Variants in WDR48 observed in about 807,000 individuals in gnomAD.
WDR48 encodes WD repeat-containing protein 48.
WDR48 carries 22 observed loss-of-function variants against 94.0 expected under a neutral mutation model. The ratio of observed to expected loss-of-function variants is 0.23; its 90% CI spans 0.17 to 0.33. The LOEUF is 0.33. Ranked by LOEUF, WDR48 falls within the 10% of genes least tolerant of loss-of-function variation. The probability of loss-of-function intolerance (pLI) is 1.00; values close to 1 mark genes in which losing one functional copy is unlikely to be tolerated. For missense variants in WDR48, 541 were observed against 813.8 expected (o/e 0.66, Z 4.08); for synonymous variants, 278 against 280.5 (o/e 0.99, Z 0.09).
rs201243081 is a variant in WDR48, at chr3:39,091,601, C to T, written c.1669-24C>T. ...TTATCAACTAATAGAAACTGTTATA[C>T]CTTTTTAACTTTTACTGTTTCAGAA... is the stretch of plus-strand genomic sequence containing the variant. On this transcript the variant is annotated intron_variant, in intron 16 of 18. Transcript: ENST00000302313. 9.3e-5 allele frequency: 146 copies of T among 1,563,732 alleles called. No individual in the cohort carries two copies. The African/African-American group carries it at 1.7e-3, about 18-fold the overall frequency.
chr3:39,082,715 A>G (rs2034602401), intron 11 of WDR48, among the ~76,000 whole-genome samples: 1 of 152,192 alleles, frequency 6.6e-6, no homozygotes, highest in Admixed American at 6.5e-5. Flanking sequence ...ATCAGGAGAA[A>G]AGGACATGCT....
chr3:39,052,182 A>G, intron 1 of WDR48, 109 bp downstream of exon 1: 4 of 1,407,308 alleles, frequency 2.8e-6, no homozygotes, highest in Non-Finnish European at 3.9e-6. Context: ...GCATGGGGCG[A>G]ACGGGGCGGG....
chr3:39,079,733 C>A lies in WDR48; in HGVS notation c.1098C>A (p.Cys366Ter). The A allele has an allele frequency of 6.4e-7, 1 of 1,555,336 alleles. No individual in the cohort carries two copies. The highest frequency in any genetic ancestry group is 8.6e-7 in the Non-Finnish European group (1 of 1,159,390). The change falls in exon 11 of 19, where the codon TGC (cysteine) becomes TGA (stop). Residue 366 changes from cysteine (C) to a stop codon, truncating the protein, a stop_gained. Coordinates refer to ENST00000302313, the MANE Select transcript of WDR48 (RefSeq NM_020839.4). LOFTEE classifies it high-confidence loss of function. The stretch of plus-strand genomic sequence containing the variant: ...TAGGGGGTGCTAGTATTATTCAGTG[C>A]CACATTCTTAATGATAAGAGACATA... ...VIKGGASIIQ[C>*]HILNDKRHIL...
At chr3:39,093,616 G>A (rs750493699) in intron 17 of WDR48, among the ~76,000 whole-genome samples, 4 of 152,192 alleles carry the variant, frequency 2.6e-5, no homozygotes, top group Admixed American at 2.6e-4. Context: ...GATTATAGGC[G>A]TGAGCCACCA....
chr3:39,064,612 A>T (rs2033484058), intron 2 of WDR48, among the ~76,000 whole-genome samples: 1 of 152,184 alleles, frequency 6.6e-6, no homozygotes, highest in African/African-American at 2.4e-5. Flanking sequence ...GGCTCAGAGA[A>T]ACCCATGGTT....
At chr3:39,069,847 A>G (rs1199996848) in intron 7 of WDR48, 103 bp downstream of exon 7, 1 of 935,126 alleles carries the variant, frequency 1.1e-6, no homozygotes, top group Non-Finnish European at 1.5e-6. Context: ...CACACTTATT[A>G]TAAATTGTCT....
intron 6 of WDR48, among the ~76,000 whole-genome samples, chr3:39,069,277 CG>C (rs1314608884): frequency 2.0e-5 from 3 of 152,078 alleles, no homozygotes; most frequent in African/African-American, 7.2e-5. Flanking sequence ...GTGCCCCAAT[CG>C]GGGGAGCTTA....
rs184151017 is a variant in WDR48, at chr3:39,053,390, T to C, written c.48+1317T>C. ...CACATCTTGGTTTTATTGATCTCAC[T>C]GATCAGTACAGTGTCTTAAGCACTC... On this transcript the variant is annotated intron_variant, in intron 1 of 18. Coordinates refer to ENST00000302313, the MANE Select transcript of WDR48 (RefSeq NM_020839.4). Among the ~76,000 whole-genome samples, 7 of 152,354 alleles carry C rather than the reference T, an allele frequency of 4.6e-5. No homozygotes were observed. The East Asian group carries it at 1.3e-3, about 29-fold the overall frequency.
intron 11 of WDR48, among the ~76,000 whole-genome samples, chr3:39,083,174 G>A (rs570930009): frequency 6.6e-6 from 1 of 152,288 alleles, no homozygotes; most frequent in South Asian, 2.1e-4. Flanking sequence ...CAGGTAGAGT[G>A]AGTTGAGTAG....
At chr3:39,082,803 T>C (rs1478198852) in intron 11 of WDR48, among the ~76,000 whole-genome samples, 2 of 152,162 alleles carry the variant, frequency 1.3e-5, no homozygotes, top group Non-Finnish European at 2.9e-5. Flanking sequence ...TACAGTCTCA[T>C]GCACAGTTAA....
At chr3:39,057,039 G>GA (rs1285434541) in intron 1 of WDR48, among the ~76,000 whole-genome samples, 1 of 151,972 alleles carries the variant, frequency 6.6e-6, no homozygotes. Context: ...TTAAAGTGGA[G>GA]AAAACCATTG....
At chr3:39,090,214 C>A (rs2035011159) in intron 16 of WDR48, 1 of 152,144 alleles carries the variant, frequency 6.6e-6, no homozygotes, top group Non-Finnish European at 1.5e-5. Context: ...GGATTAAAAA[C>A]AAATTAATAG....
rs763251885 is a variant in WDR48 at position 39,088,149 on chromosome 3, G to A, written c.1496G>A (p.Arg499Gln). Residue 499 changes from arginine to glutamine, a missense_variant, in exon 15 of 19, where the codon CGA becomes CAA. Arg to Gln is a conservative substitution (Grantham distance 43, BLOSUM62 1). Coordinates refer to ENST00000302313, the MANE Select transcript of WDR48 (RefSeq NM_020839.4). ...CTAGTAAATGGGGAGCAGGAGAACC[G>A]AGTGCAGAAGGGAAATGGATATTTT... ...VNHVNGEQENRVQKGNGYFQV... is the reference protein window; with the variant it reads ...VNHVNGEQENQVQKGNGYFQV... 4.3e-6 allele frequency: 7 copies of A among 1,613,960 alleles called. No homozygotes were observed. The highest frequency in any genetic ancestry group is 1.6e-4 in the Middle Eastern group (1 of 6,084).
Position 39,076,734 on chromosome 3 carries a change from A to G in WDR48, c.898-405A>G, listed in dbSNP as rs113074999. On this transcript the variant is annotated intron_variant, in intron 8 of 18. Transcript: ENST00000302313. ...GGCGAGGGTTATTTTCACTTTTACTATGTTGTTAGGATGTTTTTTACTTCA... is the reference window on the plus strand; with the variant it reads ...GGCGAGGGTTATTTTCACTTTTACTGTGTTGTTAGGATGTTTTTTACTTCA... Among the ~76,000 whole-genome samples the G allele has an allele frequency of 3.6e-3, 545 of 152,314 alleles. 9 individuals carry two copies. Among genetic ancestry groups the G allele is most frequent in the African/African-American group, 0.013 (522 of 41,570 alleles).
chr3:39,078,322 T>C, intron 10 of WDR48, 83 bp downstream of exon 10: 1 of 918,828 alleles, frequency 1.1e-6, no homozygotes, highest in Admixed American at 2.3e-5. Context: ...ACAATGACCT[T>C]TCTTTAAATA....
intron 2 of WDR48, 61 bp downstream of exon 2, chr3:39,063,251 A>G (rs757014740): frequency 5.1e-6 from 8 of 1,579,438 alleles, no homozygotes; most frequent in Admixed American, 1.8e-5. Flanking sequence ...TTACTGTCTA[A>G]TATGACACTT....
intron 5 of WDR48, 134 bp from the exon 6 acceptor site, chr3:39,068,637 A>G (rs1280911700): frequency 1.7e-6 from 1 of 579,004 alleles, no homozygotes; most frequent in African/African-American, 1.8e-5. Context: ...TATCTCCATT[A>G]TAGGTAGATT....
chr3:39,058,896 G>A (rs1000855842), intron 1 of WDR48, among the ~76,000 whole-genome samples: 5 of 152,152 alleles, frequency 3.3e-5, no homozygotes, highest in East Asian at 1.9e-4. Flanking sequence ...CCAAGATGGC[G>A]AAACCCTGTC....
intron 2 of WDR48, among the ~76,000 whole-genome samples, chr3:39,063,503 A>G (rs561604333): frequency 1.3e-5 from 2 of 152,218 alleles, no homozygotes; most frequent in African/African-American, 4.8e-5. Context: ...TTTGCTTTAA[A>G]TATGTTCCCC....
Sources: gnomAD v4.1 joint callset for allele counts (sites outside exome capture counted in the v4.1 genomes callset) on GRCh38, gnomAD v4.1.1 for gene constraint, MANE v1.5 for transcripts, NCBI Gene and HGNC (gene_info 2026-07-23, HGNC 2026-07-21) for gene names.